Variants in MCM3AP observed in about 807,000 individuals in gnomAD.
MCM3AP encodes germinal-center associated nuclear protein.
Under a neutral mutation model 184.1 loss-of-function variants are expected in MCM3AP, and 126 were observed. That is an observed-to-expected ratio of 0.68 (90% CI 0.59 to 0.79). The LOEUF is 0.79. Ranked by LOEUF, MCM3AP falls within the 30% of genes least tolerant of loss-of-function variation. The pLI is 0.00. For synonymous variants in MCM3AP, 1,002 were observed against 979.3 expected (o/e 1.02, Z -0.43); for missense variants, 2,496 against 2,479.2 (o/e 1.01, Z -0.14).
At chr21:46,273,706 T>C (rs773812068) in intron 6 of MCM3AP, 121 bp from the exon 7 acceptor site, 5 of 690,378 alleles carry the variant, frequency 7.2e-6, no homozygotes, top group Middle Eastern at 3.9e-4. Flanking sequence ...TTTGAGAATA[T>C]ATTTTTTCAA....
intron 20 of MCM3AP, among the ~76,000 whole-genome samples, chr21:46,249,184 G>A (rs1413423786): frequency 6.6e-6 from 1 of 152,038 alleles, no homozygotes; most frequent in Non-Finnish European, 1.5e-5. Context: ...AGCAAAACTG[G>A]AAGGCAAATA....
chr21:46,265,915 CT>C lies in MCM3AP; in HGVS notation c.3031+9del. On this transcript the variant is annotated intron_variant, in intron 11 of 27. Transcript: ENST00000291688. ...GCTAGTCCCCTCACTACGACTGCAG[CT>C]TCACTCACCCACTGTGTCGGAGCCG... 1 of 1,545,138 alleles carries C rather than the reference CT, an allele frequency of 6.5e-7. No homozygotes were observed. The highest frequency in any genetic ancestry group is 8.8e-7 in the Non-Finnish European group (1 of 1,140,076).
At chr21:46,280,783 T>C (rs2081321856) in intron 2 of MCM3AP, among the ~76,000 whole-genome samples, 1 of 150,820 alleles carries the variant, frequency 6.6e-6, no homozygotes, top group Non-Finnish European at 1.5e-5. Flanking sequence ...CCCTTACCTG[T>C]CTCACAAGCA....
At chr21:46,256,129 G>C (rs1301154027) in intron 17 of MCM3AP, among the ~76,000 whole-genome samples, 2 of 152,138 alleles carry the variant, frequency 1.3e-5, no homozygotes, top group Non-Finnish European at 2.9e-5. Context: ...CCACCCACTG[G>C]GAGGCCAGGG....
In MCM3AP at chr21:46,251,541, G is replaced by A. The variant is rs1456847006; in HGVS notation, c.4278C>T (p.Asn1426=). 9.9e-6 allele frequency: 16 copies of A among 1,609,032 alleles called. No homozygotes were observed. The South Asian group carries it at 1.5e-4, about 15-fold the overall frequency. Reference sequence around the variant, plus strand: ...AATTATAGTTCACCTTTATACACACGTTAACAGAAATCATCTGATCCCCTT... The same window carrying A: ...AATTATAGTTCACCTTTATACACACATTAACAGAAATCATCTGATCCCCTT... ...SSKGDQMISV[N]VCIKVAHGAL... Residue 1426 remains asparagine (N), a synonymous_variant, in exon 20 of 28, where the codon AAC becomes AAT. Transcript: ENST00000291688.
At position 46,285,057 on chromosome 21, in the gene MCM3AP, T is replaced by C. The variant is rs375503991; in HGVS notation, c.230A>G (p.Gln77Arg). 231 of 1,614,104 alleles carry C rather than the reference T, an allele frequency of 1.4e-4. No individual in the cohort carries two copies. Among genetic ancestry groups the C allele is most frequent in the Admixed American group, 6.3e-4 (38 of 60,006 alleles). ...AGAAAAGGGTCCAACACTTGAGGTT[T>C]GGGTGAACCCTAATGTTTGCACTGA... ...SSSVQTLGFT[Q>R]TSSVGPFSGL... Residue 77 changes from glutamine (Q) to arginine (R), a missense_variant, in exon 1 of 28, where the codon CAA becomes CGA. Gln to Arg is a conservative substitution (Grantham distance 43). Coordinates refer to ENST00000291688, the MANE Select transcript of MCM3AP (RefSeq NM_003906.5).
intron 18 of MCM3AP, 32 bp from the exon 19 acceptor site, chr21:46,254,558 G>A: frequency 1.2e-6 from 2 of 1,613,216 alleles, no homozygotes; most frequent in Non-Finnish European, 8.5e-7. Context: ...GGATTAGCCA[G>A]TGTGTGAGAC....
intron 2 of MCM3AP, among the ~76,000 whole-genome samples, chr21:46,281,097 C>T (rs1425688954): frequency 6.6e-6 from 1 of 152,186 alleles, no homozygotes; most frequent in Non-Finnish European, 1.5e-5. Context: ...TGAGCCACCG[C>T]GCCCGGCCCC....
Position 46,266,093 on chromosome 21 carries a change from T to G in MCM3AP, c.2863A>C (p.Thr955Pro). 6.2e-7 allele frequency: 1 copy of G among 1,612,436 alleles called. No homozygotes were observed. Among genetic ancestry groups the G allele is most frequent in the Non-Finnish European group, 8.5e-7 (1 of 1,179,330 alleles). The change falls in exon 11 of 28, where the codon ACT becomes CCT. Residue 955 changes from threonine (T) to proline (P), a missense_variant. Coordinates refer to ENST00000291688, the MANE Select transcript of MCM3AP (RefSeq NM_003906.5). The part of the protein sequence containing the change: ...LSKTRKSVFI[T>P]RKLTVSVGEI... ...CCGACTGACACCGTCAGCTTCCTAG[T>G]AATAAACACCGACTTCCTGGTCTTG...
chr21:46,272,728 G>A lies in MCM3AP; in HGVS notation c.2298C>T (p.Pro766=). The part of the protein sequence containing the change: ...IHCAHFMCEE[P]MSSFDAKINN... ...TGATCTTGGCATCAAAGGAGGACAT[G>A]GGCTCCTCACACATGAAGTGGGCAC... Residue 766 remains proline, a synonymous_variant, in exon 8 of 28, where the codon CCC becomes CCT. Coordinates refer to ENST00000291688, the MANE Select transcript of MCM3AP (RefSeq NM_003906.5). The A allele has an allele frequency of 1.2e-6, 2 of 1,614,128 alleles. No homozygotes were observed. The highest frequency in any genetic ancestry group is 1.7e-6 in the Non-Finnish European group (2 of 1,180,008).
At chr21:46,253,266 A>G (rs2080900143) in intron 19 of MCM3AP, 1 of 152,242 alleles carries the variant, frequency 6.6e-6, no homozygotes, top group African/African-American at 2.4e-5. Context: ...AGGGGAAAAA[A>G]ATGGAACTAT....
Position 46,280,067 on chromosome 21 carries a change from C to G in MCM3AP, c.1593G>C (p.Glu531Asp), listed in dbSNP as rs763617285. 1.2e-6 allele frequency: 2 copies of G among 1,614,176 alleles called. No homozygotes were observed. Among genetic ancestry groups the G allele is most frequent in the Non-Finnish European group, 1.7e-6 (2 of 1,180,014 alleles). ...GAGGAGAGTGCTGAAAGGGTGCATCCTCTGTGCTCGGGCTGACTTCACCGT... is the reference window on the plus strand; with the variant it reads ...GAGGAGAGTGCTGAAAGGGTGCATCGTCTGTGCTCGGGCTGACTTCACCGT... ...PGDGEVSPST[E>D]DAPFQHSPLG... The change falls in exon 4 of 28, where the codon GAG becomes GAC. Residue 531 changes from glutamate to aspartate, a missense_variant. By Grantham distance (45) the Glu-to-Asp change is conservative. This residue lies in a region of MCM3AP where 800 missense variants were observed against 717.1 expected (regional missense o/e 1.12). Coordinates refer to ENST00000291688, the MANE Select transcript of MCM3AP (RefSeq NM_003906.5).
intron 22 of MCM3AP, among the ~76,000 whole-genome samples, chr21:46,246,054 T>C (rs2080760468): frequency 6.6e-6 from 1 of 152,230 alleles, no homozygotes; most frequent in Non-Finnish European, 1.5e-5. Flanking sequence ...GTATAAAACA[T>C]ACAACTGCTG....
At position 46,270,493 on chromosome 21, in the gene MCM3AP, C is replaced by T; in HGVS notation, c.2536G>A (p.Ala846Thr). 6.2e-7 allele frequency: 1 copy of T among 1,613,706 alleles called. No individual in the cohort carries two copies. Among genetic ancestry groups the T allele is most frequent in the Non-Finnish European group, 8.5e-7 (1 of 1,179,696 alleles). Residue 846 changes from alanine (A) to threonine (T), a missense_variant, in exon 9 of 28, where the codon GCA becomes ACA. Around this residue, in one of 5 missense-constraint regions of MCM3AP, gnomAD observed 138 missense variants for 191.9 expected, o/e 0.72. Transcript: ENST00000291688. ...CTCACAAAATTATTACTGTTCAATG[C>T]AGCAAAAGCCTGAACAGCAAATTTC... The part of the protein sequence containing the change: ...EVKFAVQAFA[A>T]LNSNNFVRFF...
Position 46,244,855 on chromosome 21 carries a change from C to T in MCM3AP, c.4990G>A (p.Ala1664Thr). 6.2e-7 allele frequency: 1 copy of T among 1,614,162 alleles called. No individual in the cohort carries two copies. The highest frequency in any genetic ancestry group is 1.1e-5 in the South Asian group (1 of 91,082). The change falls in exon 23 of 28, where the codon GCT (alanine) becomes ACT (threonine). Residue 1664 changes from alanine to threonine, a missense_variant. Ala to Thr is a moderately conservative substitution (Grantham distance 58). Transcript: ENST00000291688. ...APEHLAWLKQ[A>T]VLGFQLPQMD... ...TGCGGAAGCTGGAACCCGAGCACAG[C>T]CTGCTTCAGCCAGGCCAGGTGCTCT... is the stretch of plus-strand genomic sequence containing the variant.
intron 13 of MCM3AP, among the ~76,000 whole-genome samples, chr21:46,261,656 CT>C (rs1438569536): frequency 2.0e-5 from 3 of 150,990 alleles, no homozygotes; most frequent in African/African-American, 7.3e-5. Context: ...TTGCTCGGAC[CT>C]GGGAGCGGGA....
intron 2 of MCM3AP, among the ~76,000 whole-genome samples, chr21:46,282,273 T>C (rs117360371): frequency 0.045 from 6,920 of 152,242 alleles, 223 homozygotes; most frequent in Non-Finnish European, 0.068. Flanking sequence ...AAATAAGTCA[T>C]ATGCCAATGA....
intron 25 of MCM3AP, chr21:46,241,296 T>TC (rs1185448905): frequency 3.3e-5 from 11 of 331,448 alleles, no homozygotes; most frequent in Non-Finnish European, 6.1e-5. Context: ...GCTTCTGCTC[T>TC]CAAGAGGCAG....
At position 46,277,620 on chromosome 21, in the gene MCM3AP, C is replaced by T; in HGVS notation, c.1765G>A (p.Val589Met). The T allele has an allele frequency of 6.2e-7, 1 of 1,612,614 alleles. No homozygotes were observed. Among genetic ancestry groups the T allele is most frequent in the Non-Finnish European group, 8.5e-7 (1 of 1,179,388 alleles). ...CCTATCAGGGTACTGAGGGAGAGCA[C>T]ACATGGCCCGAGGCCCTCGGAGCCC... ...SEGSEGLGPC[V>M]LSLSTLIGTV... Residue 589 changes from valine to methionine, a missense_variant, in exon 5 of 28, where the codon GTG becomes ATG. By Grantham distance (21) the Val-to-Met change is conservative. Around this residue, in one of 5 missense-constraint regions of MCM3AP, gnomAD observed 800 missense variants for 717.1 expected, o/e 1.12. Coordinates refer to ENST00000291688, the MANE Select transcript of MCM3AP (RefSeq NM_003906.5).
Sources: allele counts gnomAD v4.1 joint callset (sites outside exome capture counted in the v4.1 genomes callset), GRCh38; gene constraint gnomAD v4.1.1; regional missense constraint gnomAD v4.1.1; transcripts MANE v1.5; gene names NCBI Gene and HGNC (gene_info 2026-07-23, HGNC 2026-07-21).